The following EXOSC10 variants were observed in gnomAD, a reference collection of about 807,000 sequenced individuals.
EXOSC10 encodes the protein exosome complex component 10.
A neutral mutation model predicts 126.6 loss-of-function variants in EXOSC10; 94 were observed. The observed-to-expected ratio is 0.74, with a 90% CI of 0.63 to 0.88. The LOEUF (loss-of-function observed/expected upper bound fraction) is 0.88. Ranked by LOEUF, EXOSC10 falls within the 40% of genes least tolerant of loss-of-function variation. The probability of loss-of-function intolerance (pLI) is 0.00; values close to 1 mark genes in which losing one functional copy is unlikely to be tolerated. For synonymous variants in EXOSC10, 395 were observed against 400.8 expected, an observed-to-expected ratio of 0.99 and a Z score of 0.17; for missense variants, 1,041 against 1,100.5, an observed-to-expected ratio of 0.95 and a Z score of 0.77.
At chr1:11,095,547 A>G in intron 3 of EXOSC10, 1 of 399,704 alleles carries the variant, frequency 2.5e-6, no homozygotes, top group South Asian at 2.5e-5. Context: ...CCCCGTCTCT[A>G]CTAAAAATAC....
chr1:11,080,427 G>A lies in EXOSC10; in HGVS notation c.1637+72C>T, dbSNP rs367807494. 902 of 1,588,146 alleles carry A rather than the reference G, an allele frequency of 5.7e-4. 3 individuals carry two copies. Among genetic ancestry groups the A allele is most frequent in the Middle Eastern group, 4.3e-3 (26 of 5,994 alleles). ...AAGCAGCCTTGGGTAATAGCAACCA[G>A]AAAAGCTTGATTTTGAAGAACATCA... is the stretch of plus-strand genomic sequence containing the variant. On this transcript the variant is annotated intron_variant, in intron 13 of 24. Transcript: ENST00000376936.
rs1553164212 is a variant in EXOSC10 at position 11,069,259 on chromosome 1, G to GAGAGAGAGAGAGAGAGA, written c.2488+299_2488+300insTCTCTCTCTCTCTCTCT. On this transcript the variant is annotated intron_variant, in intron 22 of 24. Transcript: ENST00000376936. ...TGTGTGTGTGTGAGAGAGAGAGAGA[G>GAGAGAGAGAGAGAGAGA]GGTTTATGGGCACAAGTTATAGTGA... 6.3e-4 allele frequency among the ~76,000 whole-genome samples: 84 copies of GAGAGAGAGAGAGAGAGA among 132,436 alleles called. 10 individuals are homozygous for GAGAGAGAGAGAGAGAGA. Among genetic ancestry groups the GAGAGAGAGAGAGAGAGA allele is most frequent in the Non-Finnish European group, 8.5e-4 (50 of 58,902 alleles). The allele number at this position is 132,436 out of a possible 152,430, so 86.9% of individuals were successfully genotyped here. A position where few individuals can be genotyped will look rare whatever the true frequency, so the allele number is the denominator to read the frequency against.
chr1:11,087,351 C>A, intron 9 of EXOSC10, 97 bp downstream of exon 9: 1 of 1,437,512 alleles, frequency 7.0e-7, no homozygotes, highest in Non-Finnish European at 9.7e-7. Flanking sequence ...TTCCTCCCAA[C>A]TTGACTGGTC....
At position 11,069,709 on chromosome 1, in the gene EXOSC10, T is replaced by G; in HGVS notation, c.2338A>C (p.Arg780=). 1.2e-6 allele frequency: 2 copies of G among 1,612,816 alleles called. No individual in the cohort carries two copies. The highest frequency in any genetic ancestry group is 1.7e-6 in the Non-Finnish European group (2 of 1,179,436). ...CTTGGGTCGCTTGTTGCTCGCTCTC[T>G]CTTCTTTGCAGCATTTTCTAGCTGT... is the stretch of plus-strand genomic sequence containing the variant. ...QVVLENAAKK[R]ERATSDPRTT... Residue 780 remains arginine, a synonymous_variant, in exon 22 of 25, where the codon AGA becomes CGA. Transcript: ENST00000376936.
intron 3 of EXOSC10, among the ~76,000 whole-genome samples, chr1:11,091,989 C>G (rs1310569287): frequency 6.6e-6 from 1 of 152,110 alleles, no homozygotes; most frequent in African/African-American, 2.4e-5. Context: ...CGTGCCCCAC[C>G]TAATTACCTA....
chr1:11,090,557 T>C lies in EXOSC10; in HGVS notation c.755A>G (p.Asp252Gly). 6.2e-7 allele frequency: 1 copy of C among 1,613,714 alleles called. No individual in the cohort carries two copies. Residue 252 changes from aspartate to glycine, a missense_variant, in exon 6 of 25, where the codon GAC (aspartate) becomes GGC (glycine). By Grantham distance (94) the Asp-to-Gly change is moderately conservative. Transcript: ENST00000376936. Reference protein sequence around the residue: ...HQQRTQQVEQDMFAHPYQYEL... With the variant: ...HQQRTQQVEQGMFAHPYQYEL... ...TCAGACACAGGCCAACACTTACATG[T>C]CTTGCTCAACCTGCTGGGTTCTCTG... is the stretch of plus-strand genomic sequence containing the variant.
intron 10 of EXOSC10, among the ~76,000 whole-genome samples, chr1:11,082,020 T>C (rs1310435613): frequency 1.3e-5 from 2 of 149,900 alleles, no homozygotes; most frequent in Admixed American, 6.7e-5. Flanking sequence ...AGGCAGAGGT[T>C]GTGGTGAGCC....
At chr1:11,086,586 A>G (rs1010548116) in intron 9 of EXOSC10, among the ~76,000 whole-genome samples, 2 of 152,202 alleles carry the variant, frequency 1.3e-5, no homozygotes, top group African/African-American at 4.8e-5. Context: ...TCTCCTCAGC[A>G]GATGTAAAAT....
chr1:11,098,217 A>AT, intron 1 of EXOSC10, 61 bp from the exon 2 acceptor site: 1 of 1,537,368 alleles, frequency 6.5e-7, no homozygotes, highest in Non-Finnish European at 8.7e-7. Context: ...TTGGTATGTC[A>AT]TTTTTTTGAT....
Position 11,083,856 on chromosome 1 carries a change from C to CTA in EXOSC10, c.1090-980_1090-979dup, listed in dbSNP as rs540252116. Among the ~76,000 whole-genome samples, 47 of 152,138 alleles carry CTA rather than the reference C, an allele frequency of 3.1e-4. No homozygotes were observed. The South Asian group carries it at 8.1e-3, about 26-fold the overall frequency. The stretch of plus-strand genomic sequence containing the variant: ...TGTGTTCTCATTGTTCAATTCCCAC[C>CTA]TATGAGTGAGAATATGCAGTGTTTG... On this transcript the variant is annotated intron_variant, in intron 9 of 24. Transcript: ENST00000376936.
chr1:11,087,391 A>T, intron 9 of EXOSC10, 57 bp downstream of exon 9: 3 of 1,602,446 alleles, frequency 1.9e-6, no homozygotes, highest in Non-Finnish European at 2.6e-6. Context: ...AGTACACTGA[A>T]AAGCACTAAA....
intron 19 of EXOSC10, among the ~76,000 whole-genome samples, chr1:11,073,660 C>T (rs1639642170): frequency 1.3e-5 from 2 of 151,622 alleles, no homozygotes; most frequent in East Asian, 2.0e-4. Context: ...GAGGCCAAGG[C>T]GGGTGGATCA....
In EXOSC10 at chr1:11,080,887, T is replaced by A; in HGVS notation, c.1463A>T (p.Asp488Val). 1.9e-6 allele frequency: 3 copies of A among 1,609,024 alleles called. No homozygotes were observed. The highest frequency in any genetic ancestry group is 2.5e-6 in the Non-Finnish European group (3 of 1,178,452). ...CCTATAGAGTTCAAGGTAGGACTCA[T>A]CCGTGAAGATAGGTTTGATGAATTT... is the stretch of plus-strand genomic sequence containing the variant. ...LKKFIKPIFT[D>V]ESYLELYRKQ... The change falls in exon 12 of 25, where the codon GAT (aspartate) becomes GTT (valine). Residue 488 changes from aspartate to valine, a missense_variant. By Grantham distance (152) the Asp-to-Val change is radical (BLOSUM62 -3). Coordinates refer to ENST00000376936, the MANE Select transcript of EXOSC10 (RefSeq NM_001001998.3).
Position 11,067,939 on chromosome 1 carries a change from G to A in EXOSC10, c.2627+69C>T, listed in dbSNP as rs552669014. ...CACTCGCTCCCCAGCTACTCCCCAC[G>A]GACCACACCACGCAGGGCAGGTGCT... On this transcript the variant is annotated intron_variant, in intron 24 of 24. Coordinates refer to ENST00000376936, the MANE Select transcript of EXOSC10 (RefSeq NM_001001998.3). 1.3e-4 allele frequency: 177 copies of A among 1,389,078 alleles called. 1 individual carries two copies. In the African/African-American group the frequency reaches 2.0e-3, roughly 16 times the overall value. 86.0% of individuals were successfully genotyped at this position (1,389,078 alleles called of 1,614,324 possible).
chr1:11,089,738 G>A (rs1640700690), intron 6 of EXOSC10, among the ~76,000 whole-genome samples: 1 of 152,126 alleles, frequency 6.6e-6, no homozygotes, highest in Non-Finnish European at 1.5e-5. Context: ...GGCAGGTTGG[G>A]AGGATGGCTG....
rs140708001 is a variant in EXOSC10, at chr1:11,086,356, G to A, written c.1089+1092C>T. Among the ~76,000 whole-genome samples, 929 of 152,288 alleles carry A rather than the reference G, an allele frequency of 6.1e-3. 11 individuals are homozygous for A. Among genetic ancestry groups the A allele is most frequent in the African/African-American group, 0.021 (861 of 41,554 alleles). On this transcript the variant is annotated intron_variant, in intron 9 of 24. Coordinates refer to ENST00000376936, the MANE Select transcript of EXOSC10 (RefSeq NM_001001998.3). ...CTTTCTGGTTTAGTCTTGGAAGAGT[G>A]TATGTGTCGAGGAATTTATCCATTT...
At chr1:11,069,374 A>C (rs751884418) in intron 22 of EXOSC10, among the ~76,000 whole-genome samples, 185 bp downstream of exon 22, 2 of 152,096 alleles carry the variant, frequency 1.3e-5, no homozygotes, top group Non-Finnish European at 2.9e-5. Flanking sequence ...CCCATGGAGG[A>C]GGTGGTAATG....
At chr1:11,077,342 G>A (rs761479912) in intron 16 of EXOSC10, 23 bp downstream of exon 16, 18 of 1,602,914 alleles carry the variant, frequency 1.1e-5, no homozygotes, top group Admixed American at 1.0e-4. Flanking sequence ...CTTCGGGACA[G>A]TCAGGAGGGC....
intron 9 of EXOSC10, 108 bp from the exon 10 acceptor site, chr1:11,082,986 C>A: frequency 1.1e-6 from 1 of 884,794 alleles, no homozygotes; most frequent in East Asian, 2.5e-5. Flanking sequence ...AGGTAGTCTC[C>A]GCTGTCCCAT....
Sources: allele counts gnomAD v4.1 joint callset (sites outside exome capture counted in the v4.1 genomes callset), GRCh38; gene constraint gnomAD v4.1.1; transcripts MANE v1.5; gene names NCBI Gene and HGNC (gene_info 2026-07-23, HGNC 2026-07-21).